Variants in KIF3A observed in about 807,000 individuals in gnomAD.
The protein encoded by KIF3A is kinesin family member 3A, also known as kinesin-like protein KIF3A.
KIF3A carries 27 observed loss-of-function variants against 92.6 expected under a neutral mutation model. The observed-to-expected ratio is 0.29, with a 90% CI of 0.21 to 0.40. KIF3A has a LOEUF of 0.40. Among genes scored for constraint, KIF3A ranks in the 10% least tolerant of loss-of-function variants. The pLI is 1.00. For synonymous variants in KIF3A, 250 were observed against 275.4 expected, an observed-to-expected ratio of 0.91 and a Z score of 0.92; for missense variants, 581 against 872.6, an observed-to-expected ratio of 0.67 and a Z score of 4.21.
In KIF3A at chr5:132,710,976, T is replaced by C; in HGVS notation, c.1211A>G (p.Lys404Arg). The C allele has an allele frequency of 6.2e-7, 1 of 1,613,608 alleles. No homozygotes were observed. The change falls in exon 9 of 19, where the codon AAA becomes AGA. Residue 404 changes from lysine to arginine, a missense_variant. Lys to Arg is a conservative substitution (Grantham distance 26). This residue lies in a region of KIF3A where 167 missense variants were observed against 205.8 expected (regional missense o/e 0.81). Coordinates refer to ENST00000403231, the MANE Select transcript of KIF3A (RefSeq NM_001300791.2). ...EEGEVGEDGE[K>R]RKKRRGSSSS... Reference sequence around the variant, plus strand: ...GAACTTACCCCTTCTTTTTTTCCTTTTCTCTCCATCTTCTCCAACCTCACC... The same window carrying C: ...GAACTTACCCCTTCTTTTTTTCCTTCTCTCTCCATCTTCTCCAACCTCACC...
In KIF3A at chr5:132,730,832, G is replaced by A. The variant is rs146280925; in HGVS notation, c.280+3373C>T. Among the ~76,000 whole-genome samples the A allele has an allele frequency of 2.1e-3, 314 of 151,490 alleles. 1 individual carries two copies. The highest frequency in any genetic ancestry group is 7.1e-3 in the African/African-American group (293 of 41,276). On this transcript the variant is annotated intron_variant, in intron 2 of 18. Transcript: ENST00000403231. ...TAATAATAGAAAAAATTAGCCAGGC[G>A]TGGTAGCACACACCTGTAGCCTCAG... is the stretch of plus-strand genomic sequence containing the variant.
At chr5:132,703,204 C>G in intron 12 of KIF3A, 139 bp from the exon 13 acceptor site, 1 of 736,852 alleles carries the variant, frequency 1.4e-6, no homozygotes, top group Non-Finnish European at 2.2e-6. Context: ...AATTACACCA[C>G]TGTGTAGTAT....
Position 132,734,266 on chromosome 5 carries a change from T to A in KIF3A, c.219A>T (p.Gln73His). ...TTGCAGTTAAGTTATAAACATCAAG[T>A]TGTTTACTCTCTGGTCCAAAAACAG... is the stretch of plus-strand genomic sequence containing the variant. ...FDTVFGPESK[Q>H]LDVYNLTARP... is the part of the protein sequence containing the mutation. Residue 73 changes from glutamine (Q) to histidine (H), a missense_variant, in exon 2 of 19, where the codon CAA becomes CAT. Gln to His is a conservative substitution (Grantham distance 24). Around this residue, in one of 5 missense-constraint regions of KIF3A, gnomAD observed 217 missense variants for 299.7 expected, o/e 0.72. Transcript: ENST00000403231. The A allele has an allele frequency of 3.1e-6, 5 of 1,612,880 alleles. No individual in the cohort carries two copies. The highest frequency in any genetic ancestry group is 4.2e-6 in the Non-Finnish European group (5 of 1,178,866).
rs1477665727 is a variant in KIF3A at position 132,695,666 on chromosome 5, C to T, written c.*968G>A. 1.2e-4 allele frequency: 3 copies of T among 25,832 alleles called. No homozygotes were observed. The African/African-American group carries it at 1.6e-3, about 13-fold the overall frequency. The allele number at this position is 25,832 out of a possible 1,614,324, so 1.6% of individuals were successfully genotyped here. On this transcript the variant is annotated 3_prime_UTR_variant, in exon 19 of 19. Coordinates refer to ENST00000403231, the MANE Select transcript of KIF3A (RefSeq NM_001300791.2). ...ATATTTTATTTTTAAAATAGAAAAA[C>T]AAAATAAAAAAGTGTTTTAAAGGCA... is the stretch of plus-strand genomic sequence containing the variant.
chr5:132,700,762 C>A, intron 15 of KIF3A, 62 bp from the exon 16 acceptor site: 1 of 1,019,700 alleles, frequency 9.8e-7, no homozygotes, highest in Non-Finnish European at 1.5e-6. Flanking sequence ...ATATTGAAGT[C>A]ATAAAACTAA....
At chr5:132,725,269 T>C (rs1198709254) in intron 4 of KIF3A, among the ~76,000 whole-genome samples, 2 of 152,014 alleles carry the variant, frequency 1.3e-5, no homozygotes, top group Non-Finnish European at 2.9e-5. Context: ...CTTCATGAGG[T>C]CCAACAAGCA....
chr5:132,730,031 C>T (rs1754169468), intron 2 of KIF3A, among the ~76,000 whole-genome samples: 1 of 152,106 alleles, frequency 6.6e-6, no homozygotes, highest in Non-Finnish European at 1.5e-5. Context: ...TTACCAATAT[C>T]AAAAATGAGA....
intron 2 of KIF3A, 113 bp from the exon 3 acceptor site, chr5:132,726,611 T>C: frequency 4.3e-6 from 4 of 919,818 alleles, no homozygotes; most frequent in Non-Finnish European, 5.0e-6. Flanking sequence ...GGATTCAAAA[T>C]TTATTCTAGC....
At chr5:132,718,722 G>A (rs1017632956) in intron 5 of KIF3A, among the ~76,000 whole-genome samples, 1 of 152,186 alleles carries the variant, frequency 6.6e-6, no homozygotes, top group Non-Finnish European at 1.5e-5. Flanking sequence ...TGCCTCCCAG[G>A]TTCAAGCAAT....
intron 14 of KIF3A, 66 bp from the exon 15 acceptor site, chr5:132,702,278 A>C: frequency 6.5e-4 from 962 of 1,476,192 alleles, no homozygotes; most frequent in Non-Finnish European, 8.3e-4. Flanking sequence ...GCACCATCTC[A>C]CATAGGATGC....
Position 132,720,767 on chromosome 5 carries a change from T to A in KIF3A, c.511-53A>T, listed in dbSNP as rs1753797842. The A allele has an allele frequency of 4.0e-6, 4 of 1,001,928 alleles. No homozygotes were observed. The South Asian group carries it at 4.5e-5, about 11-fold the overall frequency. The allele number at this position is 1,001,928 out of a possible 1,614,324, so 62.1% of individuals were successfully genotyped here. The stretch of plus-strand genomic sequence containing the variant: ...TATCAATAACTCTTCCACAATTATT[T>A]ATTGAGTATCTCCTATGTGTTGGAC... On this transcript the variant is annotated intron_variant, in intron 4 of 18. Coordinates refer to ENST00000403231, the MANE Select transcript of KIF3A (RefSeq NM_001300791.2).
chr5:132,725,043 A>G (rs1753991457), intron 4 of KIF3A, among the ~76,000 whole-genome samples: 1 of 151,396 alleles, frequency 6.6e-6, no homozygotes, highest in African/African-American at 2.4e-5. Context: ...AGAGTTGAGA[A>G]CCATTGACAA....
At chr5:132,734,505 TG>T (rs1208100027) in intron 1 of KIF3A, 27 bp from the exon 2 acceptor site, 1 of 1,564,692 alleles carries the variant, frequency 6.4e-7, no homozygotes, top group Non-Finnish European at 8.6e-7. Flanking sequence ...TTACAAATAA[TG>T]AAAAGAACAT....
chr5:132,737,092 G>A (rs1004011252), intron 1 of KIF3A, among the ~76,000 whole-genome samples: 1 of 152,242 alleles, frequency 6.6e-6, no homozygotes, highest in African/African-American at 2.4e-5. Flanking sequence ...GCCACCCCCA[G>A]ACGCCCCGCT....
At chr5:132,737,243 C>A (rs929820494) in intron 1 of KIF3A, among the ~76,000 whole-genome samples, 171 bp downstream of exon 1, 2 of 152,244 alleles carry the variant, frequency 1.3e-5, no homozygotes, top group African/African-American at 4.8e-5. Context: ...CGGACCCCCG[C>A]GGCCCCGGGG....
chr5:132,690,788 G>A (rs375037466), downstream of KIF3A, among the ~76,000 whole-genome samples: 31 of 152,174 alleles, frequency 2.0e-4, no homozygotes, highest in South Asian at 6.2e-4. Context: ...TTAGCCGGGC[G>A]TGGTGGCACA....
intron 14 of KIF3A, 138 bp downstream of exon 14, chr5:132,702,419 TA>T: frequency 3.0e-6 from 2 of 655,850 alleles, no homozygotes; most frequent in Non-Finnish European, 4.9e-6. Flanking sequence ...TAGATAAAAT[TA>T]AAAATTGCAC....
intron 18 of KIF3A, among the ~76,000 whole-genome samples, chr5:132,698,149 G>T (rs1447112911): frequency 1.3e-5 from 2 of 152,130 alleles, no homozygotes; most frequent in Non-Finnish European, 2.9e-5. Context: ...ATGTCTATGA[G>T]ATTATGTAAC....
intron 2 of KIF3A, among the ~76,000 whole-genome samples, chr5:132,730,719 C>T (rs187537872): frequency 1.7e-4 from 25 of 151,164 alleles, no homozygotes; most frequent in Non-Finnish European, 1.8e-4. Context: ...CGCTTGAGCC[C>T]GGGAGGTAGA....
Sources: allele counts gnomAD v4.1 joint callset (sites outside exome capture counted in the v4.1 genomes callset), GRCh38; gene constraint gnomAD v4.1.1; regional missense constraint gnomAD v4.1.1; transcripts MANE v1.5; gene names NCBI Gene and HGNC (gene_info 2026-07-23, HGNC 2026-07-21).